The following DROSHA variants were observed in gnomAD, a reference collection of about 807,000 sequenced individuals.
DROSHA encodes the protein drosha ribonuclease III.
DROSHA carries 56 observed loss-of-function variants against 181.9 expected under a neutral mutation model. The ratio of observed to expected loss-of-function variants is 0.31; its 90% confidence interval spans 0.25 to 0.38. DROSHA has a LOEUF of 0.38. Among genes scored for constraint, DROSHA ranks in the 10% least tolerant of loss-of-function variants. DROSHA has a pLI of 1.00. For missense variants in DROSHA, 1,218 were observed against 1,743.5 expected (o/e 0.70, Z 5.37); for synonymous variants, 524 against 591.2 (o/e 0.89, Z 1.65).
chr5:31,509,256 A>T (rs890278404), intron 9 of DROSHA, among the ~76,000 whole-genome samples: 2 of 152,150 alleles, frequency 1.3e-5, no homozygotes, highest in Admixed American at 6.5e-5. Context: ...ATAAAAAAAA[A>T]ATATAGCCCA....
At chr5:31,421,460 T>C in intron 29 of DROSHA, 83 bp from the exon 30 acceptor site, 1 of 1,137,928 alleles carries the variant, frequency 8.8e-7, no homozygotes, top group East Asian at 2.4e-5. Flanking sequence ...AAAAAAGGAA[T>C]GACTTAAAAA....
rs565406895 is a variant in DROSHA, at chr5:31,514,623, T to C, written c.1290+365A>G. On this transcript the variant is annotated intron_variant, in intron 8 of 35. Transcript: ENST00000344624. The surrounding 1 kb of genome is among the most constrained non-coding windows in gnomAD (Gnocchi z 4.4). ...TGGTGCCACTGCACTCCAGCCTGGGTGACAGAGCGAGACCCTGTCTCAAAA... is the reference window on the plus strand; with the variant it reads ...TGGTGCCACTGCACTCCAGCCTGGGCGACAGAGCGAGACCCTGTCTCAAAA... Among the ~76,000 whole-genome samples the C allele has an allele frequency of 7.9e-5, 12 of 152,136 alleles. No individual in the cohort carries two copies. The highest frequency in any genetic ancestry group is 1.3e-4 in the Non-Finnish European group (9 of 68,030).
chr5:31,499,636 G>A (rs1305428374), intron 11 of DROSHA, among the ~76,000 whole-genome samples: 1 of 152,200 alleles, frequency 6.6e-6, no homozygotes, highest in Admixed American at 6.5e-5. Flanking sequence ...AAGCACCAGT[G>A]ATGCTCTACC....
At chr5:31,508,152 A>T (rs1359891705) in intron 10 of DROSHA, among the ~76,000 whole-genome samples, 1 of 152,234 alleles carries the variant, frequency 6.6e-6, no homozygotes, top group Non-Finnish European at 1.5e-5. Flanking sequence ...GACAGTAATT[A>T]AAAATAAAAA....
chr5:31,420,728 C>T (rs1742560135), intron 30 of DROSHA, among the ~76,000 whole-genome samples: 1 of 151,892 alleles, frequency 6.6e-6, no homozygotes, highest in African/African-American at 2.4e-5. Flanking sequence ...TCCTAACTAT[C>T]TTTAAAGGCT....
chr5:31,491,185 T>TAAAA (rs11301107), intron 13 of DROSHA, among the ~76,000 whole-genome samples: 1 of 140,328 alleles, frequency 7.1e-6, no homozygotes, highest in Non-Finnish European at 1.5e-5. Context: ...TGTCCAAGGT[T>TAAAA]AAAAAAAAAA....
At chr5:31,469,433 C>A (rs531197532) in intron 17 of DROSHA, among the ~76,000 whole-genome samples, 1 of 152,240 alleles carries the variant, frequency 6.6e-6, no homozygotes, top group Admixed American at 6.5e-5. Context: ...TCACTAGCTT[C>A]TTGAAAAGTT....
intron 30 of DROSHA, among the ~76,000 whole-genome samples, chr5:31,420,577 C>T (rs1330003957): frequency 6.6e-6 from 1 of 152,226 alleles, no homozygotes; most frequent in Non-Finnish European, 1.5e-5. Flanking sequence ...CCTTTCAACT[C>T]TGCCATGGTC....
At chr5:31,417,484 T>G (rs1412111220) in intron 30 of DROSHA, among the ~76,000 whole-genome samples, 1 of 152,118 alleles carries the variant, frequency 6.6e-6, no homozygotes, top group Non-Finnish European at 1.5e-5. Flanking sequence ...ATGAATCACT[T>G]GGGAGGTTAT....
chr5:31,457,386 A>G (rs994724728), intron 20 of DROSHA, among the ~76,000 whole-genome samples: 2 of 152,040 alleles, frequency 1.3e-5, no homozygotes, highest in African/African-American at 2.4e-5. Flanking sequence ...CGGCCTCCCA[A>G]AATGCTGGGA....
At chr5:31,468,769 T>A (rs1207863794) in intron 17 of DROSHA, among the ~76,000 whole-genome samples, 1 of 152,148 alleles carries the variant, frequency 6.6e-6, no homozygotes, top group Non-Finnish European at 1.5e-5. Context: ...TATAATCACC[T>A]CTCAGGACAG....
chr5:31,505,557 G>A (rs1005610692), intron 10 of DROSHA: 1 of 152,118 alleles, frequency 6.6e-6, no homozygotes, highest in African/African-American at 2.4e-5. Flanking sequence ...AAATCTGAAG[G>A]GCCTCACAAG....
At chr5:31,416,202 A>G (rs1741926612) in intron 30 of DROSHA, among the ~76,000 whole-genome samples, 1 of 152,090 alleles carries the variant, frequency 6.6e-6, no homozygotes, top group African/African-American at 2.4e-5. Flanking sequence ...CCATCCCCCA[A>G]CCAATGCAAC....
intron 22 of DROSHA, among the ~76,000 whole-genome samples, chr5:31,448,842 A>G (rs777144042): frequency 6.6e-6 from 1 of 152,140 alleles, no homozygotes; most frequent in Non-Finnish European, 1.5e-5. Context: ...ATTATAAAAG[A>G]GTCTGTGGGG....
intron 35 of DROSHA, among the ~76,000 whole-genome samples, chr5:31,401,977 C>G (rs1473341762): frequency 6.6e-6 from 1 of 152,056 alleles, no homozygotes; most frequent in East Asian, 1.9e-4. Flanking sequence ...CTAAAAACTT[C>G]AAACAAATGA....
chr5:31,435,922 C>T, intron 24 of DROSHA, 58 bp from the exon 25 acceptor site: 1 of 1,522,986 alleles, frequency 6.6e-7, no homozygotes, highest in Non-Finnish European at 9.0e-7. Context: ...CTGTCTGTGG[C>T]TCTGAGTCAC....
chr5:31,498,718 G>A (rs1753271995), intron 11 of DROSHA, among the ~76,000 whole-genome samples: 2 of 152,072 alleles, frequency 1.3e-5, no homozygotes, highest in Admixed American at 1.3e-4. Flanking sequence ...TTAGCCAGGC[G>A]TGGTGATGCA....
chr5:31,475,894 G>A (rs1750305464), intron 16 of DROSHA, among the ~76,000 whole-genome samples: 1 of 152,192 alleles, frequency 6.6e-6, no homozygotes, highest in Admixed American at 6.5e-5. Context: ...TGGCACTTCA[G>A]ATAAAAGGGA....
intron 20 of DROSHA, among the ~76,000 whole-genome samples, chr5:31,452,924 T>C (rs1371544341): frequency 6.6e-6 from 1 of 152,248 alleles, no homozygotes; most frequent in Non-Finnish European, 1.5e-5. Context: ...TTATAAGTGC[T>C]GTGCTGATAA....
Sources: allele counts gnomAD v4.1 joint callset (sites outside exome capture counted in the v4.1 genomes callset), GRCh38; gene constraint gnomAD v4.1.1; non-coding constraint Gnocchi (gnomAD v3.1); transcripts MANE v1.5; gene names NCBI Gene and HGNC (gene_info 2026-07-23, HGNC 2026-07-21).